Variants in PDE7B observed in about 807,000 individuals in gnomAD.
PDE7B encodes the protein 3',5'-cyclic-AMP phosphodiesterase 7B.
A neutral mutation model predicts 56.2 loss-of-function variants in PDE7B; 29 were observed. The observed-to-expected ratio is 0.52, with a 90% CI of 0.38 to 0.70. PDE7B has a LOEUF of 0.70. Ranked by LOEUF, PDE7B falls within the 30% of genes least tolerant of loss-of-function variation. The pLI is 0.00. For synonymous variants in PDE7B, 197 were observed against 196.9 expected, an observed-to-expected ratio of 1.00 and a Z score of 0.00; for missense variants, 490 against 565.0, an observed-to-expected ratio of 0.87 and a Z score of 1.35.
rs1180467192 is a variant in PDE7B at position 136,147,457 on chromosome 6, A to G, written c.273A>G (p.Gln91=). The G allele has an allele frequency of 6.2e-7, 1 of 1,613,948 alleles. No homozygotes were observed. Among genetic ancestry groups the G allele is most frequent in the Non-Finnish European group, 8.5e-7 (1 of 1,179,858 alleles). Residue 91 remains glutamine, a synonymous_variant, in exon 4 of 13, where the codon CAA becomes CAG. Coordinates refer to ENST00000308191, the MANE Select transcript of PDE7B (RefSeq NM_018945.4). ...GGCTGCTTCGTGGAATTATACCACAAGCCCCTCTGCACCTGCTGGATGAAG... is the reference window on the plus strand; with the variant it reads ...GGCTGCTTCGTGGAATTATACCACAGGCCCCTCTGCACCTGCTGGATGAAG... The part of the protein sequence containing the change: ...ASRLLRGIIP[Q]APLHLLDEDY...
chr6:135,927,807 A>T (rs1224447509), intron 1 of PDE7B, among the ~76,000 whole-genome samples: 1 of 152,220 alleles, frequency 6.6e-6, no homozygotes, highest in Non-Finnish European at 1.5e-5. Context: ...ATTAAACTAA[A>T]GAGTTTTTGC....
At position 136,003,115 on chromosome 6, in the gene PDE7B, G is replaced by A. The variant is rs182370303; in HGVS notation, c.82+55591G>A. On this transcript the variant is annotated intron_variant, in intron 2 of 12. Coordinates refer to ENST00000308191, the MANE Select transcript of PDE7B (RefSeq NM_018945.4). ...CCTGAATGACTACTGGGTACATAAC[G>A]AAATGAAGGTAGAAATAAAGATGTC... Among the ~76,000 whole-genome samples, 251 of 152,176 alleles carry A rather than the reference G, an allele frequency of 1.6e-3. 1 individual carries two copies. In the East Asian group the frequency reaches 0.028, roughly 17 times the overall value.
At chr6:135,893,366 G>A (rs1339427744) in intron 1 of PDE7B, among the ~76,000 whole-genome samples, 2 of 151,946 alleles carry the variant, frequency 1.3e-5, no homozygotes. Flanking sequence ...ATGGTTTCCA[G>A]CTTCATCCAT....
chr6:136,077,607 C>T (rs1777145457), intron 2 of PDE7B, among the ~76,000 whole-genome samples: 1 of 152,138 alleles, frequency 6.6e-6, no homozygotes, highest in Non-Finnish European at 1.5e-5. Flanking sequence ...GCACATACTT[C>T]AGCATGTATT....
chr6:135,901,780 T>C (rs1776005108), intron 1 of PDE7B, among the ~76,000 whole-genome samples: 1 of 152,196 alleles, frequency 6.6e-6, no homozygotes, highest in Non-Finnish European at 1.5e-5. Context: ...TACACAAAAT[T>C]CCTAGTTTTC....
chr6:135,908,630 G>C lies in PDE7B; in HGVS notation c.22-38834G>C, dbSNP rs540118922. Among the ~76,000 whole-genome samples, 10 of 152,238 alleles carry C rather than the reference G, an allele frequency of 6.6e-5. No homozygotes were observed. The East Asian group carries it at 7.7e-4, about 12-fold the overall frequency. Reference sequence around the variant, plus strand: ...TACATTGTATTATATTCACACATTAGAGTACAATACCACAGGCAAAATGAA... The same window carrying C: ...TACATTGTATTATATTCACACATTACAGTACAATACCACAGGCAAAATGAA... On this transcript the variant is annotated intron_variant, in intron 1 of 12. Transcript: ENST00000308191.
intron 2 of PDE7B, among the ~76,000 whole-genome samples, chr6:136,040,937 C>G (rs1292572409): frequency 6.6e-6 from 1 of 152,188 alleles, no homozygotes; most frequent in East Asian, 1.9e-4. Context: ...AATCTATTCC[C>G]TCCTCTTTGC....
intron 8 of PDE7B, among the ~76,000 whole-genome samples, chr6:136,172,117 T>G (rs183016792): frequency 3.3e-5 from 5 of 152,336 alleles, no homozygotes; most frequent in African/African-American, 1.2e-4. Flanking sequence ...TGTGTCTTTA[T>G]AGCAGCATGA....
intron 2 of PDE7B, among the ~76,000 whole-genome samples, chr6:136,027,576 G>A (rs960128067): frequency 2.0e-5 from 3 of 151,886 alleles, no homozygotes; most frequent in African/African-American, 7.3e-5. Flanking sequence ...TAGTTGTCAA[G>A]ACATAAAAAA....
At chr6:136,061,901 T>G (rs979492194) in intron 2 of PDE7B, among the ~76,000 whole-genome samples, 3 of 152,240 alleles carry the variant, frequency 2.0e-5, no homozygotes, top group Non-Finnish European at 2.9e-5. Flanking sequence ...CTCTCATTTT[T>G]AAGTTAGTAC....
rs554861827 is a variant in PDE7B at position 135,900,912 on chromosome 6, G to T, written c.22-46552G>T. Among the ~76,000 whole-genome samples, 178 of 152,170 alleles carry T rather than the reference G, an allele frequency of 1.2e-3. 1 individual carries two copies. The highest frequency in any genetic ancestry group is 0.011 in the Admixed American group (175 of 15,272). ...TGGAGTAGTTATGCTAGATTGGTGT[G>T]ATATCTTTTATTCTCAATATCTGGT... is the stretch of plus-strand genomic sequence containing the variant. On this transcript the variant is annotated intron_variant, in intron 1 of 12. Coordinates refer to ENST00000308191, the MANE Select transcript of PDE7B (RefSeq NM_018945.4).
intron 3 of PDE7B, among the ~76,000 whole-genome samples, chr6:136,109,645 T>C (rs954517871): frequency 6.6e-6 from 1 of 152,180 alleles, no homozygotes; most frequent in African/African-American, 2.4e-5. Context: ...TTCATTGACT[T>C]CTACCTTCCC....
chr6:136,143,346 A>G (rs926712094), intron 3 of PDE7B, among the ~76,000 whole-genome samples: 5 of 151,888 alleles, frequency 3.3e-5, no homozygotes, highest in African/African-American at 7.3e-5. Flanking sequence ...TGATACCCCC[A>G]TGTCTATTAT....
chr6:136,011,795 T>G (rs73775450), intron 2 of PDE7B, among the ~76,000 whole-genome samples: 1,673 of 152,260 alleles, frequency 0.011, 37 homozygotes, highest in African/African-American at 0.037. Context: ...AATCATAGGA[T>G]GTGCAGGTAT....
At chr6:135,890,432 G>T (rs905891026) in intron 1 of PDE7B, among the ~76,000 whole-genome samples, 4 of 152,146 alleles carry the variant, frequency 2.6e-5, no homozygotes, top group Non-Finnish European at 5.9e-5. Flanking sequence ...GTTTCACTCC[G>T]GTGAATGTAA....
intron 2 of PDE7B, among the ~76,000 whole-genome samples, chr6:135,975,750 T>C (rs1775175256): frequency 6.6e-6 from 1 of 152,232 alleles, no homozygotes; most frequent in Non-Finnish European, 1.5e-5. Flanking sequence ...AAAAATTATA[T>C]ATTTGGCAGC....
At chr6:136,163,178 G>T (rs1778737713) in intron 8 of PDE7B, among the ~76,000 whole-genome samples, 1 of 152,174 alleles carries the variant, frequency 6.6e-6, no homozygotes, top group African/African-American at 2.4e-5. Flanking sequence ...TTTCCATGAG[G>T]GTTCTGCCCC....
At chr6:136,180,312 T>C (rs781481790) in intron 10 of PDE7B, among the ~76,000 whole-genome samples, 7 of 152,212 alleles carry the variant, frequency 4.6e-5, no homozygotes, top group Non-Finnish European at 7.3e-5. Flanking sequence ...AAGTTGTGAA[T>C]AGCTGAAAGA....
rs78585248 is a variant in PDE7B, at chr6:136,039,789, G to A, written c.83-68942G>A. 7.2e-5 allele frequency among the ~76,000 whole-genome samples: 11 copies of A among 152,148 alleles called. No individual in the cohort carries two copies. In the East Asian group the frequency reaches 1.2e-3, roughly 16 times the overall value. On this transcript the variant is annotated intron_variant, in intron 2 of 12. Coordinates refer to ENST00000308191, the MANE Select transcript of PDE7B (RefSeq NM_018945.4). ...TCTTGGTCAGATGAAATGAGGTAAC[G>A]CTAAACCAGTGTTGCATGTGAGTAG...
Sources: allele counts gnomAD v4.1 joint callset (sites outside exome capture counted in the v4.1 genomes callset), GRCh38; gene constraint gnomAD v4.1.1; transcripts MANE v1.5; gene names NCBI Gene and HGNC (gene_info 2026-07-23, HGNC 2026-07-21).